The following GPC6 variants were observed in gnomAD, a reference collection of about 807,000 sequenced individuals.
GPC6 encodes the protein glypican 6, also known as glypican-6.
In GPC6, 14 loss-of-function variants were observed where a neutral mutation model predicts 55.2. The ratio of observed to expected loss-of-function variants is 0.25; its 90% confidence interval spans 0.17 to 0.40. The LOEUF is 0.40. GPC6 is among the 10% of genes least tolerant of loss of function. GPC6 has a pLI of 1.00. For synonymous variants in GPC6, 278 were observed against 259.6 expected (o/e 1.07, Z -0.68); for missense variants, 641 against 708.5 (o/e 0.90, Z 1.08).
chr13:93,389,226 G>C (rs774811254), intron 1 of GPC6, among the ~76,000 whole-genome samples: 10 of 152,012 alleles, frequency 6.6e-5, no homozygotes, highest in Non-Finnish European at 1.3e-4. Flanking sequence ...TGCCAGGCAC[G>C]GTGGCTTATG....
chr13:93,740,652 A>G (rs774906053), intron 2 of GPC6, among the ~76,000 whole-genome samples: 33 of 152,240 alleles, frequency 2.2e-4, no homozygotes, highest in Admixed American at 2.6e-4. Flanking sequence ...ATCATATTTC[A>G]AAGCTTTTAG....
At chr13:93,254,164 A>C (rs1172711057) in intron 1 of GPC6, among the ~76,000 whole-genome samples, 2 of 152,084 alleles carry the variant, frequency 1.3e-5, no homozygotes, top group East Asian at 3.9e-4. Context: ...CTCTACAAAA[A>C]ACAAAATCAC....
At chr13:94,214,050 A>G (rs1159817416) in intron 4 of GPC6, among the ~76,000 whole-genome samples, 1 of 152,246 alleles carries the variant, frequency 6.6e-6, no homozygotes, top group Non-Finnish European at 1.5e-5. Flanking sequence ...AGAAAAGCCA[A>G]AAATATTGTC....
At chr13:93,572,234 A>G (rs1876441304) in intron 2 of GPC6, among the ~76,000 whole-genome samples, 2 of 152,310 alleles carry the variant, frequency 1.3e-5, no homozygotes, top group Admixed American at 6.5e-5. Flanking sequence ...ATAGGTTGGG[A>G]GTTTATGACT....
At chr13:93,813,524 A>G (rs1886761037) in intron 2 of GPC6, among the ~76,000 whole-genome samples, 2 of 152,206 alleles carry the variant, frequency 1.3e-5, no homozygotes, top group African/African-American at 4.8e-5. Context: ...TAAACATTTT[A>G]TCTTAAAGAT....
At chr13:94,226,385 C>A (rs1288711550) in intron 4 of GPC6, among the ~76,000 whole-genome samples, 3 of 151,976 alleles carry the variant, frequency 2.0e-5, no homozygotes, top group African/African-American at 7.2e-5. Flanking sequence ...CTATAGCTAA[C>A]AATGTTGTGT....
At position 94,306,117 on chromosome 13, in the gene GPC6, C is replaced by T; in HGVS notation, c.1146C>T (p.Asp382=). 6.2e-7 allele frequency: 1 copy of T among 1,614,160 alleles called. No homozygotes were observed. Among genetic ancestry groups the T allele is most frequent in the Non-Finnish European group, 8.5e-7 (1 of 1,180,024 alleles). ...RPTTAAGTSL[D]RLVTDIKEKL... is the part of the protein sequence containing the mutation. ...CAACTGCTGCAGGCACAAGCTTGGA[C>T]CGGCTGGTGAGTATTCACAGATTGA... Residue 382 remains aspartate, a synonymous_variant, in exon 6 of 9, where the codon GAC becomes GAT. Coordinates refer to ENST00000377047, the MANE Select transcript of GPC6 (RefSeq NM_005708.5).
intron 4 of GPC6, among the ~76,000 whole-genome samples, chr13:94,034,484 G>A (rs1383102653): frequency 2.0e-5 from 3 of 152,018 alleles, no homozygotes; most frequent in South Asian, 2.1e-4. Flanking sequence ...TGATCTTGAG[G>A]CAACAACTCA....
At chr13:94,304,709 A>T (rs1875850655) in intron 5 of GPC6, among the ~76,000 whole-genome samples, 1 of 152,240 alleles carries the variant, frequency 6.6e-6, no homozygotes, top group African/African-American at 2.4e-5. Flanking sequence ...AAAACAGCAA[A>T]GGAAGTGTCT....
chr13:93,941,260 A>G (rs1878722041), intron 3 of GPC6, among the ~76,000 whole-genome samples: 1 of 152,236 alleles, frequency 6.6e-6, no homozygotes, highest in African/African-American at 2.4e-5. Flanking sequence ...GAGTAAATAG[A>G]AGCTGAAAAG....
chr13:93,807,352 T>C (rs1486012064), intron 2 of GPC6, among the ~76,000 whole-genome samples: 2 of 152,148 alleles, frequency 1.3e-5, no homozygotes, highest in Non-Finnish European at 2.9e-5. Context: ...TGTTAGAAAA[T>C]TTAAAGATTT....
At chr13:93,353,138 T>C (rs1268383619) in intron 1 of GPC6, among the ~76,000 whole-genome samples, 1 of 152,170 alleles carries the variant, frequency 6.6e-6, no homozygotes, top group African/African-American at 2.4e-5. Context: ...GAGGTGCTTT[T>C]TACTACCAAA....
chr13:93,471,320 C>G (rs1879103903), intron 1 of GPC6, among the ~76,000 whole-genome samples: 1 of 149,854 alleles, frequency 6.7e-6, no homozygotes, highest in South Asian at 2.1e-4. Flanking sequence ...CAAGACCATC[C>G]TGGCTAACGT....
chr13:93,876,548 C>T (rs933767166), intron 3 of GPC6, among the ~76,000 whole-genome samples: 11 of 151,904 alleles, frequency 7.2e-5, no homozygotes, highest in Admixed American at 3.3e-4. Flanking sequence ...ATGAGAGTTT[C>T]AGAATGAGTT....
intron 1 of GPC6, among the ~76,000 whole-genome samples, chr13:93,540,902 C>T (rs1882267982): frequency 6.6e-6 from 1 of 152,058 alleles, no homozygotes; most frequent in Non-Finnish European, 1.5e-5. Flanking sequence ...CCAAGAGATC[C>T]TTTTTTTAGC....
At chr13:93,280,562 A>G (rs1232304574) in intron 1 of GPC6, among the ~76,000 whole-genome samples, 2 of 152,278 alleles carry the variant, frequency 1.3e-5, no homozygotes, top group Non-Finnish European at 2.9e-5. Context: ...TATAAAATAA[A>G]TATCAGTTGA....
intron 1 of GPC6, among the ~76,000 whole-genome samples, chr13:93,513,767 C>T (rs1049185938): frequency 6.6e-6 from 1 of 152,016 alleles, no homozygotes; most frequent in African/African-American, 2.4e-5. Flanking sequence ...TTTTTATAGC[C>T]CTTCATTAAA....
chr13:94,329,847 T>C (rs1315086756), intron 6 of GPC6, among the ~76,000 whole-genome samples: 1 of 152,068 alleles, frequency 6.6e-6, no homozygotes, highest in African/African-American at 2.4e-5. Flanking sequence ...GGGTCAGAAA[T>C]TTTACCCTTT....
intron 2 of GPC6, among the ~76,000 whole-genome samples, chr13:93,563,275 T>G (rs1875906574): frequency 6.6e-6 from 1 of 152,074 alleles, no homozygotes; most frequent in African/African-American, 2.4e-5. Context: ...ATGCCACAAG[T>G]AAATCATGGT....
Sources: gnomAD v4.1 joint callset for allele counts (sites outside exome capture counted in the v4.1 genomes callset) on GRCh38, gnomAD v4.1.1 for gene constraint, MANE v1.5 for transcripts, NCBI Gene and HGNC (gene_info 2026-07-23, HGNC 2026-07-21) for gene names.